The following RTEL1 variants were observed in gnomAD, a reference collection of about 807,000 sequenced individuals.
RTEL1 encodes regulator of telomere length.
A neutral mutation model predicts 162.2 loss-of-function variants in RTEL1; 86 were observed. The ratio of observed to expected loss-of-function variants is 0.53; its 90% CI spans 0.45 to 0.63. The LOEUF (loss-of-function observed/expected upper bound fraction) is 0.63. Ranked by LOEUF, RTEL1 falls within the 30% of genes least tolerant of loss-of-function variation. RTEL1 has a pLI of 0.00. For synonymous variants in RTEL1, 958 were observed against 717.9 expected (o/e 1.33, Z -5.35); for missense variants, 1,941 against 1,750.2 (o/e 1.11, Z -1.95).
At chr20:63,686,576 T>TCTTTCTCAGCTGCTGTCCGAC in intron 16 of RTEL1, 1 of 152,568 alleles carries the variant, frequency 6.6e-6, no homozygotes, top group South Asian at 2.1e-4. Flanking sequence ...TCTGGAACAT[T>TCTTTCTCAGCTGCTGTCCGAC]CTTTCTCAGC....
chr20:63,686,140 C>A (rs1187209780), intron 16 of RTEL1: 2 of 551,600 alleles, frequency 3.6e-6, no homozygotes, highest in Non-Finnish European at 6.6e-6. Flanking sequence ...AGCCAGGCCT[C>A]CCTGCTGGGA....
In RTEL1 at chr20:63,667,244, G is replaced by GTCGGAAACTC. The variant is rs1423527684; in HGVS notation, c.615-224_615-215dup. ...TTTTAAAGAGACGACGATTTACATG[G>GTCGGAAACTC]TCGGAAACTCACGAGGACTCCCCAT... On this transcript the variant is annotated intron_variant, in intron 7 of 34. Transcript: ENST00000360203. 2.0e-5 allele frequency among the ~76,000 whole-genome samples: 3 copies of GTCGGAAACTC among 152,020 alleles called. No individual in the cohort carries two copies. In the East Asian group the frequency reaches 5.8e-4, roughly 29 times the overall value.
At position 63,693,049 on chromosome 20, in the gene RTEL1, G is replaced by A. The variant is rs372349626; in HGVS notation, c.2851+46G>A. ...CACCCACCCTGAGGGCAGTGCTGCC[G>A]CCGCGTGTGGGGTGGGGGCCATCTG... On this transcript the variant is annotated intron_variant, in intron 29 of 34. Transcript: ENST00000360203. The A allele has an allele frequency of 2.5e-5, 40 of 1,609,796 alleles. No individual in the cohort carries two copies. In the East Asian group the frequency reaches 3.1e-4, roughly 13 times the overall value.
At chr20:63,672,117 C>T (rs1476947622) in intron 8 of RTEL1, among the ~76,000 whole-genome samples, 2 of 151,938 alleles carry the variant, frequency 1.3e-5, no homozygotes, top group Admixed American at 1.3e-4. Context: ...CTCCTGACCT[C>T]GTGATCCGCC....
rs2090185297 is a variant in RTEL1 at position 63,668,470 on chromosome 20, A to T, written c.699+917A>T. On this transcript the variant is annotated intron_variant, in intron 8 of 34. Transcript: ENST00000360203. The surrounding 1 kb of genome is among the most constrained non-coding windows in gnomAD (Gnocchi z 4.3). ...TAAGCACGTGAGCTGATGATACTGA[A>T]GGGAAATAGAGCAGAGGGAGGAGGC... 6.6e-6 allele frequency among the ~76,000 whole-genome samples: 1 copy of T among 152,096 alleles called. No homozygotes were observed. Among genetic ancestry groups the T allele is most frequent in the South Asian group, 2.1e-4 (1 of 4,822 alleles).
In RTEL1 at chr20:63,661,174, C is replaced by A. The variant is rs2090012872; in HGVS notation, c.103-124C>A. ...CCGCGGTCCCACAGGGCTCTCGCCA[C>A]CTGGCAGTGGCCTCTGCATCTGCAA... On this transcript the variant is annotated intron_variant, in intron 2 of 34. Transcript: ENST00000360203. This position sits in a 1 kb window ranked among gnomAD's most constrained non-coding sequence, Gnocchi z 5.1. 1 of 850,720 alleles carries A rather than the reference C, an allele frequency of 1.2e-6. No individual in the cohort carries two copies. The highest frequency in any genetic ancestry group is 1.8e-6 in the Non-Finnish European group (1 of 548,686). 52.7% of individuals were successfully genotyped at this position (850,720 alleles called of 1,614,324 possible). A position where few individuals can be genotyped will look rare whatever the true frequency, so the allele number is the denominator to read the frequency against.
Position 63,668,226 on chromosome 20 carries a change from T to G in RTEL1, c.699+673T>G, listed in dbSNP as rs1569086370. Among the ~76,000 whole-genome samples the G allele has an allele frequency of 6.6e-6, 1 of 152,194 alleles. No homozygotes were observed. Among genetic ancestry groups the G allele is most frequent in the Non-Finnish European group, 1.5e-5 (1 of 68,042 alleles). On this transcript the variant is annotated intron_variant, in intron 8 of 34. Coordinates refer to ENST00000360203, the MANE Select transcript of RTEL1 (RefSeq NM_001283009.2). The surrounding 1 kb of genome is among the most constrained non-coding windows in gnomAD (Gnocchi z 4.3). ...TGCTTTTGTGCCCCACACTTTTTAC[T>G]TAGTGCAGGTGGGATCACACGCCAC... is the stretch of plus-strand genomic sequence containing the variant.
intron 12 of RTEL1, among the ~76,000 whole-genome samples, chr20:63,678,577 A>AGC (rs2090406251): frequency 3.5e-5 from 4 of 113,796 alleles, no homozygotes; most frequent in African/African-American, 1.3e-4. Context: ...AACGGCACAC[A>AGC]CACCCATGGA....
chr20:63,673,329 G>A (rs919810170), intron 9 of RTEL1, among the ~76,000 whole-genome samples: 4 of 152,060 alleles, frequency 2.6e-5, no homozygotes, highest in African/African-American at 9.7e-5. Context: ...AGGAGGTAGA[G>A]GTTGCAATGA....
intron 10 of RTEL1, among the ~76,000 whole-genome samples, chr20:63,677,259 T>G (rs2738783): frequency 0.84 from 127,859 of 152,220 alleles, 54,250 homozygotes; most frequent in African/African-American, 0.95. Context: ...TGGTCGTTGT[T>G]ACTGGGTGTT....
At position 63,661,067 on chromosome 20, in the gene RTEL1, A is replaced by G. The variant is rs1489060899; in HGVS notation, c.103-231A>G. 3.9e-5 allele frequency among the ~76,000 whole-genome samples: 6 copies of G among 152,256 alleles called. No homozygotes were observed. Among genetic ancestry groups the G allele is most frequent in the Admixed American group, 3.9e-4 (6 of 15,294 alleles). Reference sequence around the variant, plus strand: ...GAAAAATAGTGTCGTGTTTTGGGTAACGTTCTGCAAATCGTTTGCTAATGG... The same window carrying G: ...GAAAAATAGTGTCGTGTTTTGGGTAGCGTTCTGCAAATCGTTTGCTAATGG... On this transcript the variant is annotated intron_variant, in intron 2 of 34. Coordinates refer to ENST00000360203, the MANE Select transcript of RTEL1 (RefSeq NM_001283009.2). The surrounding 1 kb of genome is among the most constrained non-coding windows in gnomAD (Gnocchi z 5.1).
rs1455366888 is a variant in RTEL1, at chr20:63,695,122, G to A, written c.3400G>A (p.Asp1134Asn). The A allele has an allele frequency of 1.2e-6, 2 of 1,612,428 alleles. No individual in the cohort carries two copies. Among genetic ancestry groups the A allele is most frequent in the South Asian group, 2.2e-5 (2 of 91,086 alleles). ...HKQRFSQTCT[D>N]LTGRPYPGME... ...GCAGCGCTTCTCACAGACGTGCACA[G>A]ACCTGACCGGCCGGCCCTACCCGGG... Residue 1134 changes from aspartate to asparagine, a missense_variant, in exon 33 of 35, where the codon GAC (aspartate) becomes AAC (asparagine). Coordinates refer to ENST00000360203, the MANE Select transcript of RTEL1 (RefSeq NM_001283009.2).
chr20:63,690,486 C>CCGG, intron 26 of RTEL1, 45 bp downstream of exon 26: 1 of 491,080 alleles, frequency 2.0e-6, no homozygotes, highest in Non-Finnish European at 3.3e-6. Context: ...GGTGGCGGAG[C>CCGG]GGGCGGCGTG....
intron 7 of RTEL1, 44 bp downstream of exon 7, chr20:63,666,123 C>T (rs2090122363): frequency 2.6e-6 from 4 of 1,512,462 alleles, no homozygotes; most frequent in South Asian, 1.1e-5. Flanking sequence ...CTTCCATGGC[C>T]CAGCTCTCCT....
intron 9 of RTEL1, among the ~76,000 whole-genome samples, chr20:63,673,684 C>A (rs2090290476): frequency 6.6e-6 from 1 of 152,146 alleles, no homozygotes; most frequent in Admixed American, 6.5e-5. Context: ...AGTGATCTGC[C>A]CACCTTGGCC....
chr20:63,675,502 TTA>T (rs11468552), intron 10 of RTEL1, among the ~76,000 whole-genome samples: 95,917 of 150,328 alleles, frequency 0.64, 31,349 homozygotes, highest in Middle Eastern at 0.73. Flanking sequence ...TAGAATCCCT[TTA>T]TATATATATA....
chr20:63,687,813 C>T (rs960033623), intron 17 of RTEL1, 43 bp downstream of exon 17: 4 of 1,554,958 alleles, frequency 2.6e-6, no homozygotes, highest in Admixed American at 3.8e-5. Flanking sequence ...GGTGACACCT[C>T]TGACATCAGC....
chr20:63,680,516 T>A lies in RTEL1; in HGVS notation c.1136-148T>A, dbSNP rs958970573. On this transcript the variant is annotated intron_variant, in intron 13 of 34. Transcript: ENST00000360203. ...GAGCAGGCGAACTGCCCGCCCTGAA[T>A]GGATGCTGCGCTCCACCCTGGGCCC... 47 of 777,536 alleles carry A rather than the reference T, an allele frequency of 6.0e-5. No individual in the cohort carries two copies. In the African/African-American group the frequency reaches 7.8e-4, roughly 13 times the overall value. The allele number at this position is 777,536 out of a possible 1,614,324, so 48.2% of individuals were successfully genotyped here. A position where few individuals can be genotyped will look rare whatever the true frequency, so the allele number is the denominator to read the frequency against.
intron 17 of RTEL1, 82 bp from the exon 18 acceptor site, chr20:63,687,855 G>A (rs1234360930): frequency 1.2e-5 from 19 of 1,547,852 alleles, no homozygotes; most frequent in South Asian, 5.8e-5. Context: ...CCCATGAGCC[G>A]GGTGCTGGGG....
Sources: gnomAD v4.1 joint callset for allele counts (sites outside exome capture counted in the v4.1 genomes callset) on GRCh38, gnomAD v4.1.1 for gene constraint, Gnocchi (gnomAD v3.1) non-coding constraint, MANE v1.5 for transcripts, NCBI Gene and HGNC (gene_info 2026-07-23, HGNC 2026-07-21) for gene names.